The following ZNF385B variants were observed in gnomAD, a reference collection of about 807,000 sequenced individuals.
The protein encoded by ZNF385B is zinc finger protein 533.
In ZNF385B, 23 loss-of-function variants were observed where a neutral mutation model predicts 39.2. That is an observed-to-expected ratio of 0.59 (90% CI 0.42 to 0.83). ZNF385B has a LOEUF of 0.83. Ranked by LOEUF, ZNF385B falls within the 40% of genes least tolerant of loss-of-function variation. ZNF385B has a pLI of 0.00. For synonymous variants in ZNF385B, 205 were observed against 222.6 expected, an observed-to-expected ratio of 0.92 and a Z score of 0.70; for missense variants, 552 against 598.9, an observed-to-expected ratio of 0.92 and a Z score of 0.82.
At chr2:179,459,649 TTTAA>T (rs1278697600) in intron 6 of ZNF385B, among the ~76,000 whole-genome samples, 1 of 151,420 alleles carries the variant, frequency 6.6e-6, no homozygotes, top group Non-Finnish European at 1.5e-5. Context: ...ACAAATGTAT[TTTAA>T]TTAATTTAAA....
chr2:179,798,560 T>C (rs1337211908), intron 1 of ZNF385B, among the ~76,000 whole-genome samples: 1 of 152,152 alleles, frequency 6.6e-6, no homozygotes, highest in Non-Finnish European at 1.5e-5. Flanking sequence ...AATTCCAGTA[T>C]GCAAGGACAC....
At chr2:179,661,912 G>A (rs993236657) in intron 3 of ZNF385B, among the ~76,000 whole-genome samples, 5 of 152,122 alleles carry the variant, frequency 3.3e-5, no homozygotes, top group African/African-American at 1.2e-4. Flanking sequence ...CATGTATTGA[G>A]TTTAATTGCC....
chr2:179,566,247 C>T (rs1248083485), intron 3 of ZNF385B, among the ~76,000 whole-genome samples: 1 of 152,182 alleles, frequency 6.6e-6, no homozygotes, highest in African/African-American at 2.4e-5. Context: ...CTAATTTTGG[C>T]TTTAAGTCAG....
chr2:179,836,335 C>T (rs1708242822), intron 1 of ZNF385B, among the ~76,000 whole-genome samples: 1 of 152,144 alleles, frequency 6.6e-6, no homozygotes, highest in South Asian at 2.1e-4. Context: ...TTCATAGACC[C>T]ACAGTGTTAA....
At chr2:179,831,342 T>G (rs1277350681) in intron 1 of ZNF385B, among the ~76,000 whole-genome samples, 1 of 152,194 alleles carries the variant, frequency 6.6e-6, no homozygotes, top group Non-Finnish European at 1.5e-5. Flanking sequence ...CCAATTCACA[T>G]AGCTAGTAAA....
In ZNF385B at chr2:179,634,374, C is replaced by T. The variant is rs142651430; in HGVS notation, c.299-89405G>A. Among the ~76,000 whole-genome samples, 1,032 of 152,212 alleles carry T rather than the reference C, an allele frequency of 6.8e-3. 12 individuals carry two copies. The highest frequency in any genetic ancestry group is 0.024 in the African/African-American group (1,000 of 41,546). On this transcript the variant is annotated intron_variant, in intron 3 of 9. Coordinates refer to ENST00000410066, the MANE Select transcript of ZNF385B (RefSeq NM_152520.6). ...ATTTACAAGAAAAAAAAATCAACCCCATCAACAAGTGGGCAAAAGATATGA... is the reference window on the plus strand; with the variant it reads ...ATTTACAAGAAAAAAAAATCAACCCTATCAACAAGTGGGCAAAAGATATGA...
At chr2:179,523,354 T>TTTTG (rs1553596179) in intron 4 of ZNF385B, among the ~76,000 whole-genome samples, 2 of 146,544 alleles carry the variant, frequency 1.4e-5, no homozygotes, top group East Asian at 2.0e-4. Context: ...GTGCGTTTTT[T>TTTTG]TTTTTTTTTT....
chr2:179,598,903 C>A (rs1688202591), intron 3 of ZNF385B, among the ~76,000 whole-genome samples: 1 of 152,034 alleles, frequency 6.6e-6, no homozygotes, highest in East Asian at 1.9e-4. Context: ...TATATTGATT[C>A]TTTTAATAAA....
intron 3 of ZNF385B, among the ~76,000 whole-genome samples, chr2:179,608,562 G>T (rs1163034107): frequency 6.6e-6 from 1 of 151,962 alleles, no homozygotes; most frequent in Non-Finnish European, 1.5e-5. Context: ...ACTCTCCTGG[G>T]CTTGTGCTTC....
At chr2:179,558,886 T>C (rs2061134727) in intron 3 of ZNF385B, among the ~76,000 whole-genome samples, 1 of 152,074 alleles carries the variant, frequency 6.6e-6, no homozygotes. Context: ...CCCTGTTCCA[T>C]CCCTATGGAA....
At chr2:179,520,295 T>C (rs2058390334) in intron 4 of ZNF385B, among the ~76,000 whole-genome samples, 1 of 152,070 alleles carries the variant, frequency 6.6e-6, no homozygotes, top group Non-Finnish European at 1.5e-5. Context: ...CAATTTTATA[T>C]ATTATAATTT....
rs201263673 is a variant in ZNF385B, at chr2:179,544,962, T to C, written c.306A>G (p.Thr102=). 20 of 1,613,992 alleles carry C rather than the reference T, an allele frequency of 1.2e-5. No homozygotes were observed. The highest frequency in any genetic ancestry group is 3.3e-5 in the Admixed American group (2 of 60,004). Residue 102 remains threonine, a synonymous_variant, in exon 4 of 10, where the codon ACA becomes ACG. Coordinates refer to ENST00000410066, the MANE Select transcript of ZNF385B (RefSeq NM_152520.6). ...GAGCAGGAAGGGTAGTAGTGTGGCA[T>C]GTACTGCCTGCCAAGAACAAAACAA... is the stretch of plus-strand genomic sequence containing the variant. The part of the protein sequence containing the change: ...SPSSNSSTGS[T]CHTTTLPALV...
intron 3 of ZNF385B, among the ~76,000 whole-genome samples, chr2:179,766,053 C>CACACAT (rs1387536198): frequency 6.6e-6 from 1 of 151,750 alleles, no homozygotes; most frequent in Non-Finnish European, 1.5e-5. Context: ...CACACACACA[C>CACACAT]ACACACACAC....
intron 1 of ZNF385B, among the ~76,000 whole-genome samples, chr2:179,840,187 C>G (rs956203661): frequency 1.3e-5 from 2 of 152,218 alleles, no homozygotes; most frequent in African/African-American, 2.4e-5. Context: ...AGGACAGGAA[C>G]AGATGTGTGA....
At chr2:179,574,108 T>C (rs1685539646) in intron 3 of ZNF385B, among the ~76,000 whole-genome samples, 1 of 152,084 alleles carries the variant, frequency 6.6e-6, no homozygotes, top group Non-Finnish European at 1.5e-5. Context: ...AACGGGCAAA[T>C]AAAAATTAAC....
chr2:179,795,759 C>T (rs1022491482), intron 1 of ZNF385B, among the ~76,000 whole-genome samples: 8 of 152,062 alleles, frequency 5.3e-5, no homozygotes, highest in African/African-American at 1.2e-4. Context: ...ACAAATTTTA[C>T]AATAATTAAT....
chr2:179,498,181 C>A (rs758455482), intron 5 of ZNF385B, among the ~76,000 whole-genome samples: 1 of 152,090 alleles, frequency 6.6e-6, no homozygotes, highest in Non-Finnish European at 1.5e-5. Context: ...AAACATAAGA[C>A]TTAGTCTATA....
At chr2:179,600,537 G>C (rs1201652205) in intron 3 of ZNF385B, among the ~76,000 whole-genome samples, 1 of 152,116 alleles carries the variant, frequency 6.6e-6, no homozygotes, top group Non-Finnish European at 1.5e-5. Context: ...ATATTTCTCT[G>C]AATATGTAAG....
chr2:179,464,868 A>G (rs1458247733), intron 6 of ZNF385B, among the ~76,000 whole-genome samples: 4 of 152,070 alleles, frequency 2.6e-5, no homozygotes, highest in Admixed American at 2.0e-4. Context: ...TATAGCTTCA[A>G]CTACTTCCTT....
Sources: allele counts gnomAD v4.1 joint callset (sites outside exome capture counted in the v4.1 genomes callset), GRCh38; gene constraint gnomAD v4.1.1; transcripts MANE v1.5; gene names NCBI Gene and HGNC (gene_info 2026-07-23, HGNC 2026-07-21).